Variants in TAMM41 observed in about 807,000 individuals in gnomAD.
TAMM41 encodes phosphatidate cytidylyltransferase, mitochondrial.
TAMM41 carries 36 observed loss-of-function variants against 44.1 expected under a neutral mutation model. The observed-to-expected ratio is 0.82, with a 90% confidence interval of 0.63 to 1.08. The LOEUF (loss-of-function observed/expected upper bound fraction) is 1.08, where lower values mean the gene tolerates loss of function less well. Among genes scored for constraint, TAMM41 ranks in the 50% least tolerant of loss-of-function variants. TAMM41 has a pLI of 0.00. For synonymous variants in TAMM41, 164 were observed against 153.1 expected (o/e 1.07, Z -0.53); for missense variants, 417 against 404.3 (o/e 1.03, Z -0.27).
intron 6 of TAMM41, chr3:11,808,177 C>A: frequency 1.0e-6 from 1 of 988,076 alleles, no homozygotes; most frequent in Non-Finnish European, 1.3e-6. Flanking sequence ...GGTTAGCTGA[C>A]CCTCAAAGGG....
the TAMM41 span, among the ~76,000 whole-genome samples, chr3:11,729,538 C>CTTTTT: frequency 2.6e-3 from 172 of 65,524 alleles, 38 homozygotes; most frequent in African/African-American, 8.0e-3. Flanking sequence ...TTCTTTCTTT[C>CTTTTT]ATTTTTTTTT....
At chr3:11,811,775 G>A (rs1393508756) in intron 5 of TAMM41, among the ~76,000 whole-genome samples, 1 of 152,200 alleles carries the variant, frequency 6.6e-6, no homozygotes, top group African/African-American at 2.4e-5. Flanking sequence ...ATTAGTGGTT[G>A]CCTGGGTGAG....
the TAMM41 span, among the ~76,000 whole-genome samples, chr3:11,732,989 G>GTTTTTT: frequency 2.1e-4 from 27 of 128,466 alleles, 2 homozygotes; most frequent in African/African-American, 7.1e-4. Flanking sequence ...TATGATTTGA[G>GTTTTTT]TTTTTTTTTT....
rs1489620614 is a variant in TAMM41, at chr3:11,806,927, C to T, written c.937+906G>A. On this transcript the variant is annotated intron_variant, in intron 7 of 7. Transcript: ENST00000455809. ...CAATCCTAGAAGTAAAAGATAAATG[C>T]AGCAATGATCTCAAAATTTTAAAGG... is the stretch of plus-strand genomic sequence containing the variant. Among the ~76,000 whole-genome samples the T allele has an allele frequency of 4.3e-4, 65 of 152,302 alleles. No homozygotes were observed. In the East Asian group the frequency reaches 0.012, roughly 28 times the overall value.
intron 2 of TAMM41, among the ~76,000 whole-genome samples, chr3:11,842,560 G>A (rs2079499630): frequency 6.6e-6 from 1 of 151,440 alleles, no homozygotes; most frequent in Non-Finnish European, 1.5e-5. Context: ...CAGGCGTGGT[G>A]GTATGTGCCT....
the TAMM41 span, among the ~76,000 whole-genome samples, chr3:11,783,029 T>C: frequency 6.6e-6 from 1 of 152,200 alleles, no homozygotes; most frequent in African/African-American, 2.4e-5. Flanking sequence ...AGACCAGGCC[T>C]CTGGCCATGG....
intron 5 of TAMM41, among the ~76,000 whole-genome samples, chr3:11,813,828 A>ATG (rs143683206): frequency 0.12 from 16,904 of 142,990 alleles, 1,023 homozygotes; most frequent in East Asian, 0.2. Flanking sequence ...GTACAAATAT[A>ATG]TGTGTGTGTG....
chr3:11,760,703 G>A, the TAMM41 span, among the ~76,000 whole-genome samples: 15 of 152,030 alleles, frequency 9.9e-5, no homozygotes, highest in African/African-American at 3.6e-4. Flanking sequence ...TGGGACTATA[G>A]GGGCCCGCCA....
At chr3:11,747,611 T>C in the TAMM41 span, among the ~76,000 whole-genome samples, 4 of 151,062 alleles carry the variant, frequency 2.6e-5, no homozygotes, top group South Asian at 8.4e-4. Context: ...TACATAAAAT[T>C]CCAAAAAACT....
At chr3:11,785,957 C>T (rs1017217185), downstream of TAMM41, among the ~76,000 whole-genome samples, 1 of 152,166 alleles carries the variant, frequency 6.6e-6, no homozygotes, top group Non-Finnish European at 1.5e-5. Context: ...TCTGGCAGCT[C>T]TAGCAGTGGC....
At chr3:11,810,031 C>T (rs764308615) in intron 5 of TAMM41, 130 of 194,116 alleles carry the variant, frequency 6.7e-4, no homozygotes, top group Non-Finnish European at 1.2e-3. Context: ...CTCGTGGAGG[C>T]CGCGTCAAAT....
the TAMM41 span, among the ~76,000 whole-genome samples, chr3:11,784,601 A>T: frequency 6.6e-6 from 1 of 152,118 alleles, no homozygotes; most frequent in Non-Finnish European, 1.5e-5. Context: ...GGTATTTTTA[A>T]CCCCTTCCCT....
the TAMM41 span, among the ~76,000 whole-genome samples, chr3:11,776,866 T>C: frequency 6.6e-6 from 1 of 152,148 alleles, no homozygotes; most frequent in Non-Finnish European, 1.5e-5. Context: ...GGATGAAACA[T>C]TGGAGACATT....
chr3:11,813,991 TACACAC>T (rs35804902), intron 5 of TAMM41, among the ~76,000 whole-genome samples: 2,288 of 145,928 alleles, frequency 0.016, 69 homozygotes, highest in African/African-American at 0.053. Flanking sequence ...CACCTGTGTA[TACACAC>T]ACACACACAC....
chr3:11,818,126 C>G (rs1191975057), intron 4 of TAMM41, among the ~76,000 whole-genome samples: 2 of 152,192 alleles, frequency 1.3e-5, no homozygotes, highest in Non-Finnish European at 2.9e-5. Flanking sequence ...CACGCAGAAC[C>G]TTCTGAGTCA....
At position 11,790,588 on chromosome 3, in the gene TAMM41, G is replaced by T. The variant is rs370631633; in HGVS notation, c.938-7C>A. The T allele has an allele frequency of 1.4e-4, 227 of 1,608,282 alleles. No individual in the cohort carries two copies. Among genetic ancestry groups the T allele is most frequent in the Non-Finnish European group, 1.9e-4 (220 of 1,175,742 alleles). On this transcript the variant is annotated splice_polypyrimidine_tract_variant and splice_region_variant and intron_variant, in intron 7 of 7. Transcript: ENST00000455809. ...ATCACTGACTTCTTCAGGCCTAAAAGAGAAAAGATGAGAAAGTAAGAAGAT... is the reference window on the plus strand; with the variant it reads ...ATCACTGACTTCTTCAGGCCTAAAATAGAAAAGATGAGAAAGTAAGAAGAT...
the TAMM41 span, among the ~76,000 whole-genome samples, chr3:11,744,943 AACCTCC>A: frequency 2.7e-5 from 4 of 150,808 alleles, no homozygotes; most frequent in African/African-American, 9.8e-5. Context: ...GACTCACTGC[AACCTCC>A]ACCTCCCAGG....
the TAMM41 span, among the ~76,000 whole-genome samples, chr3:11,776,807 CATT>C: frequency 2.0e-5 from 3 of 152,290 alleles, no homozygotes; most frequent in Admixed American, 2.0e-4. Flanking sequence ...AGCCTGCAAA[CATT>C]ATTTCACCAT....
chr3:11,827,309 CTTT>C (rs11353823), intron 4 of TAMM41, among the ~76,000 whole-genome samples: 4 of 142,050 alleles, frequency 2.8e-5, no homozygotes, highest in African/African-American at 5.2e-5. Flanking sequence ...CTTTTCTTTT[CTTT>C]TTTTTTTTTT....
Sources: gnomAD v4.1 joint callset for allele counts (sites outside exome capture counted in the v4.1 genomes callset) on GRCh38, gnomAD v4.1.1 for gene constraint, MANE v1.5 for transcripts, NCBI Gene and HGNC (gene_info 2026-07-23, HGNC 2026-07-21) for gene names.